Variants in SCFD2 observed in about 807,000 individuals in gnomAD.
SCFD2 encodes the protein sec1 family domain containing 2, also known as sec1 family domain-containing protein 2.
Under a neutral mutation model 58.9 loss-of-function variants are expected in SCFD2, and 54 were observed. The ratio of observed to expected loss-of-function variants is 0.92; its 90% CI spans 0.74 to 1.15. SCFD2 has a LOEUF of 1.15. Among genes scored for constraint, SCFD2 ranks in the 50% most tolerant of loss-of-function variants. The pLI is 0.00. For synonymous variants in SCFD2, 321 were observed against 335.9 expected, an observed-to-expected ratio of 0.96 and a Z score of 0.49; for missense variants, 805 against 836.6, an observed-to-expected ratio of 0.96 and a Z score of 0.47.
At chr4:53,095,700 T>C (rs1228921816) in intron 5 of SCFD2, among the ~76,000 whole-genome samples, 1 of 152,040 alleles carries the variant, frequency 6.6e-6, no homozygotes, top group Non-Finnish European at 1.5e-5. Flanking sequence ...CATGACCTAC[T>C]ACTACATTTT....
intron 5 of SCFD2, among the ~76,000 whole-genome samples, chr4:52,940,712 ATC>A (rs1469124816): frequency 1.3e-5 from 2 of 152,192 alleles, no homozygotes; most frequent in African/African-American, 4.8e-5. Context: ...CCAGGGAACA[ATC>A]TGTTTTGTGG....
chr4:53,215,444 G>T (rs1381980340), intron 4 of SCFD2, among the ~76,000 whole-genome samples: 5 of 150,340 alleles, frequency 3.3e-5, no homozygotes, highest in African/African-American at 1.2e-4. Context: ...TCATGATTTG[G>T]CTGTCTGTTA....
intron 2 of SCFD2, among the ~76,000 whole-genome samples, chr4:53,331,048 A>C (rs1427308673): frequency 2.0e-5 from 3 of 151,828 alleles, no homozygotes; most frequent in East Asian, 1.9e-4. Flanking sequence ...AGAGCTAACT[A>C]TCCTAAATAT....
At chr4:53,075,134 T>C (rs1011302229) in intron 5 of SCFD2, among the ~76,000 whole-genome samples, 3 of 152,232 alleles carry the variant, frequency 2.0e-5, no homozygotes, top group Non-Finnish European at 4.4e-5. Context: ...AACAGTATTT[T>C]CTGTTTCACC....
chr4:53,221,301 A>G (rs937459236), intron 4 of SCFD2, among the ~76,000 whole-genome samples: 3 of 152,234 alleles, frequency 2.0e-5, no homozygotes, highest in African/African-American at 7.2e-5. Flanking sequence ...TTGACTGATA[A>G]GGAAACCAAG....
chr4:53,092,786 T>C (rs1470111892), intron 5 of SCFD2, among the ~76,000 whole-genome samples: 1 of 152,026 alleles, frequency 6.6e-6, no homozygotes, highest in African/African-American at 2.4e-5. Context: ...AGAAAACAGA[T>C]TAATGATTTC....
chr4:52,992,803 T>A (rs541162401), intron 5 of SCFD2, among the ~76,000 whole-genome samples: 1 of 150,024 alleles, frequency 6.7e-6, no homozygotes, highest in Non-Finnish European at 1.5e-5. Context: ...AGCCGCCCCG[T>A]CCGGGAGGGA....
intron 5 of SCFD2, among the ~76,000 whole-genome samples, chr4:52,959,134 C>T (rs1423282252): frequency 6.6e-6 from 1 of 152,122 alleles, no homozygotes; most frequent in South Asian, 2.1e-4. Context: ...AACCACTATG[C>T]TATGATGCCT....
At chr4:53,308,853 G>A (rs911366003) in intron 3 of SCFD2, among the ~76,000 whole-genome samples, 6 of 152,120 alleles carry the variant, frequency 3.9e-5, no homozygotes, top group African/African-American at 7.2e-5. Flanking sequence ...AGCACAAGCC[G>A]GGAACGATGG....
intron 6 of SCFD2, among the ~76,000 whole-genome samples, chr4:52,916,629 G>A (rs1333198111): frequency 2.0e-5 from 3 of 152,166 alleles, no homozygotes; most frequent in Non-Finnish European, 4.4e-5. Context: ...ACAGTTGGGG[G>A]CTTAGGTTTC....
chr4:53,050,352 C>T (rs1723156799), intron 5 of SCFD2, among the ~76,000 whole-genome samples: 1 of 152,162 alleles, frequency 6.6e-6, no homozygotes, highest in African/African-American at 2.4e-5. Flanking sequence ...GCAAACCTCA[C>T]CAGCAACAGT....
At chr4:53,057,007 AC>A (rs1384396425) in intron 5 of SCFD2, among the ~76,000 whole-genome samples, 19 of 152,064 alleles carry the variant, frequency 1.2e-4, no homozygotes, top group Non-Finnish European at 2.4e-4. Context: ...ACATGGTGAA[AC>A]TCCGTCTCTA....
intron 5 of SCFD2, among the ~76,000 whole-genome samples, chr4:53,018,501 C>T (rs1722266828): frequency 6.6e-6 from 1 of 152,154 alleles, no homozygotes; most frequent in South Asian, 2.1e-4. Context: ...GGCCAATTTC[C>T]TTCTGGTGAT....
intron 4 of SCFD2, among the ~76,000 whole-genome samples, chr4:53,158,558 TTGA>T (rs148649771): frequency 0.16 from 24,090 of 152,144 alleles, 2,364 homozygotes; most frequent in Admixed American, 0.24. Context: ...CAGCCAAGTC[TTGA>T]TGATTTTTAT....
At chr4:53,207,486 ATATATTT>A (rs1728444268) in intron 4 of SCFD2, among the ~76,000 whole-genome samples, 1 of 40,422 alleles carries the variant, frequency 2.5e-5, no homozygotes, top group Non-Finnish European at 3.9e-5. Flanking sequence ...TATATTATAT[ATATATTT>A]CATATATATA....
At chr4:53,342,435 C>T (rs1471514141) in intron 2 of SCFD2, among the ~76,000 whole-genome samples, 1 of 152,172 alleles carries the variant, frequency 6.6e-6, no homozygotes, top group Non-Finnish European at 1.5e-5. Flanking sequence ...GCACCCAATA[C>T]AGGAGCACCC....
chr4:53,231,984 C>T (rs894698697), intron 4 of SCFD2, among the ~76,000 whole-genome samples: 6 of 151,856 alleles, frequency 4.0e-5, no homozygotes, highest in Non-Finnish European at 8.8e-5. Context: ...TCAAAACCAA[C>T]GTTAAAGAAT....
chr4:53,013,827 T>C (rs760304351), intron 5 of SCFD2, among the ~76,000 whole-genome samples: 3 of 152,052 alleles, frequency 2.0e-5, no homozygotes, highest in African/African-American at 4.8e-5. Flanking sequence ...TTCACATGTT[T>C]ACCACTGAAG....
chr4:53,045,182 G>C (rs1431614437), intron 5 of SCFD2, among the ~76,000 whole-genome samples: 1 of 152,076 alleles, frequency 6.6e-6, no homozygotes, highest in Admixed American at 6.6e-5. Flanking sequence ...TACATTTATA[G>C]GATTTTACTG....
Sources: gnomAD v4.1 joint callset for allele counts (sites outside exome capture counted in the v4.1 genomes callset) on GRCh38, gnomAD v4.1.1 for gene constraint, MANE v1.5 for transcripts, NCBI Gene and HGNC (gene_info 2026-07-23, HGNC 2026-07-21) for gene names.